USP24: variants seen among roughly 807,000 people sequenced by gnomAD.
USP24 encodes ubiquitin specific peptidase 24.
Under a neutral mutation model 361.6 loss-of-function variants are expected in USP24, and 97 were observed. The ratio of observed to expected loss-of-function variants is 0.27; its 90% confidence interval spans 0.23 to 0.32. The LOEUF is 0.32. USP24 is among the 10% of genes least tolerant of loss of function. The probability of loss-of-function intolerance (pLI) is 1.00; values close to 1 mark genes in which losing one functional copy is unlikely to be tolerated. For synonymous variants in USP24, 1,098 were observed against 1,124.6 expected (o/e 0.98, Z 0.47); for missense variants, 2,353 against 3,165.6 (o/e 0.74, Z 6.16).
intron 55 of USP24, among the ~76,000 whole-genome samples, chr1:55,087,253 T>C (rs532332325): frequency 6.6e-6 from 1 of 152,302 alleles, no homozygotes; most frequent in East Asian, 1.9e-4. Flanking sequence ...GAGTGATTGG[T>C]CTTTATAAAG....
intron 1 of USP24, among the ~76,000 whole-genome samples, chr1:55,198,154 T>A (rs112695651): frequency 1.1e-4 from 1 of 8,714 alleles, no homozygotes; most frequent in East Asian, 0.12. Context: ...TTAAAAATAA[T>A]TTTTTTTTTT....
chr1:55,126,273 G>A (rs1050887046), intron 32 of USP24, among the ~76,000 whole-genome samples: 1 of 152,178 alleles, frequency 6.6e-6, no homozygotes, highest in East Asian at 1.9e-4. Flanking sequence ...ATGGGTGTGC[G>A]CTGGCTGCTC....
At position 55,120,739 on chromosome 1, in the gene USP24, A is replaced by G. The variant is rs906574174; in HGVS notation, c.4365T>C (p.Cys1455=). ...TCTGACTAAGAGTGTACAGCTGATC[A>G]CAGGCAACCCGGCGAATCTGAAATT... ...SPSAEIRRVA[C]DQLYTLSQTD... Residue 1455 remains cysteine, a synonymous_variant, in exon 38 of 68, where the codon TGT becomes TGC. Transcript: ENST00000294383. 3.2e-6 allele frequency: 5 copies of G among 1,572,052 alleles called. No homozygotes were observed. The highest frequency in any genetic ancestry group is 4.3e-6 in the Non-Finnish European group (5 of 1,158,426).
chr1:55,154,244 T>C lies in USP24; in HGVS notation c.1687A>G (p.Thr563Ala), dbSNP rs761121401. The change falls in exon 15 of 68, where the codon ACC (threonine) becomes GCC (alanine). Residue 563 changes from threonine to alanine, a missense_variant. Around this residue, in one of 8 missense-constraint regions of USP24, gnomAD observed 386 missense variants for 560.5 expected, o/e 0.69. Transcript: ENST00000294383. ...TGCTGAATAAGGCTACTGGGCAGGG[T>C]TGGAAGGTGAGCCAGTTCCCAGAGT... is the stretch of plus-strand genomic sequence containing the variant. ...DVLWELAHLPTLPSSLIQQAL... is the reference protein window; with the variant it reads ...DVLWELAHLPALPSSLIQQAL... The C allele has an allele frequency of 1.3e-5, 21 of 1,613,064 alleles. No individual in the cohort carries two copies. Among genetic ancestry groups the C allele is most frequent in the Admixed American group, 6.7e-5 (4 of 59,856 alleles).
At position 55,177,757 on chromosome 1, in the gene USP24, A is replaced by G. The variant is rs970791291; in HGVS notation, c.490+210T>C. Among the ~76,000 whole-genome samples, 3 of 152,340 alleles carry G rather than the reference A, an allele frequency of 2.0e-5. No homozygotes were observed. In the South Asian group the frequency reaches 6.2e-4, roughly 32 times the overall value. ...ATTTCAATTTCCATTAAGCTTTTCA[A>G]TTATATTTTAAATAATCTTATACTC... On this transcript the variant is annotated intron_variant, in intron 2 of 67. Transcript: ENST00000294383.
At chr1:55,123,039 T>C (rs1314122773) in intron 36 of USP24, among the ~76,000 whole-genome samples, 1 of 152,188 alleles carries the variant, frequency 6.6e-6, no homozygotes, top group Non-Finnish European at 1.5e-5. Context: ...TGATTAGTAA[T>C]GGTCCCCGTT....
At chr1:55,113,844 T>C (rs367964680) in intron 38 of USP24, among the ~76,000 whole-genome samples, 1 of 152,120 alleles carries the variant, frequency 6.6e-6, no homozygotes, top group Non-Finnish European at 1.5e-5. Context: ...CCTTTGAAAA[T>C]TGGCACAAGA....
chr1:55,201,729 C>A (rs141265927), intron 1 of USP24, among the ~76,000 whole-genome samples: 8 of 150,294 alleles, frequency 5.3e-5, no homozygotes, highest in Non-Finnish European at 1.0e-4. Context: ...CAAGAAGGGA[C>A]GTTTAACTAG....
rs569754433 is a variant in USP24, at chr1:55,166,554, C to T, written c.861+14G>A. 15 of 1,581,056 alleles carry T rather than the reference C, an allele frequency of 9.5e-6. No homozygotes were observed. In the African/African-American group the frequency reaches 1.5e-4, roughly 16 times the overall value. On this transcript the variant is annotated intron_variant, in intron 6 of 67. Transcript: ENST00000294383. ...AAAATATGCTACATGACAATATTAA[C>T]AAAAGTCATATACCTTATTTACCAA...
At chr1:55,073,972 C>T in intron 63 of USP24, 66 bp from the exon 64 acceptor site, 4 of 1,311,996 alleles carry the variant, frequency 3.0e-6, no homozygotes, top group Non-Finnish European at 4.3e-6. Flanking sequence ...CAAGTGACAA[C>T]AAGCTCTCTT....
At position 55,125,682 on chromosome 1, in the gene USP24, T is replaced by C; in HGVS notation, c.3712A>G (p.Ile1238Val). Residue 1238 changes from isoleucine (I) to valine (V), a missense_variant, in exon 33 of 68, where the codon ATC becomes GTC. Transcript: ENST00000294383. ...DYETRQGVYS[I>V]CLQLARFLLV... ...ACATACCTTGCAAGCTGTAGACAGATGGAATAAACACCCTGCCTTGTTTCA... is the reference window on the plus strand; with the variant it reads ...ACATACCTTGCAAGCTGTAGACAGACGGAATAAACACCCTGCCTTGTTTCA... 1 of 1,595,768 alleles carries C rather than the reference T, an allele frequency of 6.3e-7. No individual in the cohort carries two copies. The highest frequency in any genetic ancestry group is 8.5e-7 in the Non-Finnish European group (1 of 1,170,222).
intron 61 of USP24, among the ~76,000 whole-genome samples, chr1:55,078,055 C>T (rs887829898): frequency 2.0e-5 from 3 of 152,224 alleles, no homozygotes; most frequent in Non-Finnish European, 4.4e-5. Flanking sequence ...ATCCACTAAT[C>T]ACCTGCTTCT....
chr1:55,143,270 T>C (rs1308822554), intron 21 of USP24, among the ~76,000 whole-genome samples, 151 bp from the exon 22 acceptor site: 1 of 152,176 alleles, frequency 6.6e-6, no homozygotes. Context: ...GAAAATAATA[T>C]TATACTGATA....
At chr1:55,205,432 A>C (rs911258692) in intron 1 of USP24, among the ~76,000 whole-genome samples, 18 of 152,198 alleles carry the variant, frequency 1.2e-4, no homozygotes, top group African/African-American at 4.3e-4. Flanking sequence ...TCAAATTCGA[A>C]AAGTCCTGCT....
chr1:55,172,162 G>A (rs1270314741), intron 4 of USP24, among the ~76,000 whole-genome samples: 2 of 152,114 alleles, frequency 1.3e-5, no homozygotes, highest in Admixed American at 6.6e-5. Context: ...TAATCATTCC[G>A]TAAGTTGAAA....
At chr1:55,076,611 C>G (rs1484011219) in intron 62 of USP24, among the ~76,000 whole-genome samples, 1 of 152,122 alleles carries the variant, frequency 6.6e-6, no homozygotes, top group African/African-American at 2.4e-5. Flanking sequence ...CTTGCCCCAC[C>G]ACAGGCCTTA....
At chr1:55,173,099 T>C (rs1171193721) in intron 3 of USP24, among the ~76,000 whole-genome samples, 1 of 152,198 alleles carries the variant, frequency 6.6e-6, no homozygotes, top group Non-Finnish European at 1.5e-5. Context: ...CTAACATACA[T>C]ATCCTTTTAA....
At chr1:55,082,760 G>C (rs1418692892) in intron 58 of USP24, among the ~76,000 whole-genome samples, 2 of 152,152 alleles carry the variant, frequency 1.3e-5, no homozygotes, top group African/African-American at 4.8e-5. Context: ...GCTCCAATCT[G>C]GGTGACAGCA....
chr1:55,207,397 C>A (rs745445235), intron 1 of USP24, among the ~76,000 whole-genome samples: 1 of 151,910 alleles, frequency 6.6e-6, no homozygotes, highest in African/African-American at 2.4e-5. Flanking sequence ...GTCTTCCTTA[C>A]AAAGATTTTA....
Sources: gnomAD v4.1 joint callset for allele counts (sites outside exome capture counted in the v4.1 genomes callset) on GRCh38, gnomAD v4.1.1 for gene constraint, gnomAD v4.1.1 regional missense constraint, MANE v1.5 for transcripts, NCBI Gene and HGNC (gene_info 2026-07-23, HGNC 2026-07-21) for gene names.